The following MAP7D2 variants were observed in gnomAD, a reference collection of about 807,000 sequenced individuals.
MAP7D2 encodes MAP7 domain containing 2.
In MAP7D2, 33 loss-of-function variants were observed where a neutral mutation model predicts 63.5. The observed-to-expected ratio is 0.52, with a 90% confidence interval of 0.39 to 0.70. The LOEUF (loss-of-function observed/expected upper bound fraction) is 0.70. Ranked by LOEUF, MAP7D2 falls within the 30% of genes least tolerant of loss-of-function variation. The pLI is 0.00. For synonymous variants in MAP7D2, 224 were observed against 223.7 expected (o/e 1.00, Z -0.01); for missense variants, 626 against 604.0 (o/e 1.04, Z -0.38).
intron 15 of MAP7D2, 98 bp from the exon 16 acceptor site, chrX:20,011,150 C>A (rs1306252827): frequency 4.6e-5 from 41 of 882,830 alleles, no homozygotes; most frequent in Non-Finnish European, 2.0e-5. Flanking sequence ...TTTTACTACT[C>A]TTCTAAAGAA....
At position 20,056,692 on chromosome X, in the gene MAP7D2, C is replaced by T. The variant is rs148252388; in HGVS notation, c.472G>A (p.Gly158Arg). Residue 158 changes from glycine (G) to arginine (R), a missense_variant, in exon 4 of 17, where the codon GGA becomes AGA. Gly to Arg is a moderately radical substitution (Grantham distance 125). Coordinates refer to ENST00000379643, the MANE Select transcript of MAP7D2 (RefSeq NM_001168465.2). ...ACCCTACACTCACCATCATGTCCTC[C>T]GGGTCCAATGGCCAGTGGTGCTCCC... Reference protein sequence around the residue: ...SWGAPLAIGPGGHDACDKLST... With the variant: ...SWGAPLAIGPRGHDACDKLST... 42 of 1,207,657 alleles carry T rather than the reference C, an allele frequency of 3.5e-5. No homozygotes were observed. The East Asian group carries it at 8.9e-4, about 26-fold the overall frequency.
chrX:20,010,642 A>C, intron 16 of MAP7D2, 135 bp downstream of exon 16: 1 of 486,358 alleles, frequency 2.1e-6, no homozygotes, highest in Non-Finnish European at 3.4e-6. Flanking sequence ...TGTGTGTTGT[A>C]GTATACCATA....
intron 1 of MAP7D2, among the ~76,000 whole-genome samples, chrX:20,069,021 A>C (rs1156577647): frequency 8.9e-6 from 1 of 111,889 alleles, no homozygotes; most frequent in Non-Finnish European, 1.9e-5. Flanking sequence ...CTCTAAGTCC[A>C]ATTAAACCTC....
chrX:20,032,139 T>C (rs1278401050), intron 8 of MAP7D2, among the ~76,000 whole-genome samples: 2 of 111,935 alleles, frequency 1.8e-5, no homozygotes, highest in Admixed American at 1.9e-4. Flanking sequence ...TTTCGAAATT[T>C]AAAAGCTGAA....
At chrX:20,066,402 G>C (rs1229938588) in intron 1 of MAP7D2, among the ~76,000 whole-genome samples, 1 of 111,687 alleles carries the variant, frequency 9.0e-6, no homozygotes, top group African/African-American at 3.3e-5. Context: ...ATGAGGAAGG[G>C]GGATGGCGTG....
intron 13 of MAP7D2, 147 bp downstream of exon 13, chrX:20,013,422 C>A (rs1250898480): frequency 3.9e-6 from 2 of 518,218 alleles, no homozygotes; most frequent in Non-Finnish European, 6.2e-6. Flanking sequence ...AGGTACCTAA[C>A]CCTCCTTAAC....
At chrX:20,111,745 A>G (rs768914517) in intron 1 of MAP7D2, among the ~76,000 whole-genome samples, 46 of 111,916 alleles carry the variant, frequency 4.1e-4, no homozygotes, top group African/African-American at 7.8e-4. Context: ...ACTATATGGC[A>G]TATGAATTTT....
intron 1 of MAP7D2, among the ~76,000 whole-genome samples, chrX:20,074,515 A>AT (rs1389512343): frequency 3.6e-5 from 4 of 111,405 alleles, no homozygotes; most frequent in Non-Finnish European, 7.5e-5. Flanking sequence ...CCCGCCTCAT[A>AT]TTTTTCATTT....
chrX:20,109,841 G>A (rs1213180739), intron 1 of MAP7D2, among the ~76,000 whole-genome samples: 1 of 110,535 alleles, frequency 9.0e-6, no homozygotes, highest in African/African-American at 3.3e-5. Flanking sequence ...TTCGAGACCA[G>A]CCTGGCCAAC....
intron 1 of MAP7D2, among the ~76,000 whole-genome samples, chrX:20,083,275 C>A (rs554332627): frequency 8.9e-6 from 1 of 112,054 alleles, no homozygotes; most frequent in Non-Finnish European, 1.9e-5. Flanking sequence ...AACAACGAGG[C>A]CTTCAGGGGA....
chrX:20,039,776 G>A (rs965729280), intron 8 of MAP7D2, among the ~76,000 whole-genome samples: 1 of 110,564 alleles, frequency 9.0e-6, no homozygotes, highest in Non-Finnish European at 1.9e-5. Flanking sequence ...CAAGGTGGGC[G>A]GATCACAAGG....
chrX:20,077,390 T>C (rs959847512), intron 1 of MAP7D2, among the ~76,000 whole-genome samples: 1 of 110,971 alleles, frequency 9.0e-6, no homozygotes, highest in South Asian at 3.8e-4. Flanking sequence ...GAGGTGGAGG[T>C]TGCCGTGAGC....
intron 8 of MAP7D2, among the ~76,000 whole-genome samples, chrX:20,028,082 C>T (rs2148200961): frequency 8.9e-6 from 1 of 112,038 alleles, no homozygotes; most frequent in Admixed American, 9.4e-5. Flanking sequence ...TGTCTACACA[C>T]CAGCCACTAG....
rs761933530 is a variant in MAP7D2 at position 20,052,950 on chromosome X, T to C, written c.523A>G (p.Lys175Glu). The change falls in exon 5 of 17, where the codon AAG becomes GAG. Residue 175 changes from lysine to glutamate, a missense_variant. By Grantham distance (56) the Lys-to-Glu change is moderately conservative (BLOSUM62 1). Transcript: ENST00000379643. ...KLSTSTMSLP[K>E]PTEPPMNKRL... ...TTATTCATGGGAGGCTCCGTTGGCT[T>C]TGGCAAACTCATAGTTGATGTTGAA... 8 of 1,209,594 alleles carry C rather than the reference T, an allele frequency of 6.6e-6. No individual in the cohort carries two copies. The highest frequency in any genetic ancestry group is 8.9e-6 in the Non-Finnish European group (8 of 894,295).
rs141495886 is a variant in MAP7D2, at chrX:20,092,306, A to T, written c.130+24444T>A. Among the ~76,000 whole-genome samples, 8 of 111,475 alleles carry T rather than the reference A, an allele frequency of 7.2e-5. No homozygotes were observed. The East Asian group carries it at 2.3e-3, about 31-fold the overall frequency. ...ATCCCAAAATATGGCACTTTGACGTACTGAACTGAAGAAGCCTCAAGGTCT... is the reference window on the plus strand; with the variant it reads ...ATCCCAAAATATGGCACTTTGACGTTCTGAACTGAAGAAGCCTCAAGGTCT... On this transcript the variant is annotated intron_variant, in intron 1 of 16. Coordinates refer to ENST00000379643, the MANE Select transcript of MAP7D2 (RefSeq NM_001168465.2).
chrX:20,075,262 G>C (rs748453315), intron 1 of MAP7D2, among the ~76,000 whole-genome samples: 1 of 111,843 alleles, frequency 8.9e-6, no homozygotes, highest in African/African-American at 3.2e-5. Flanking sequence ...CCACCAGAAA[G>C]AGAACTCTGT....
chrX:20,046,817 T>C (rs1411975925), intron 6 of MAP7D2, among the ~76,000 whole-genome samples: 1 of 112,837 alleles, frequency 8.9e-6, no homozygotes, highest in Non-Finnish European at 1.9e-5. Flanking sequence ...GAGTAGGGGA[T>C]GATTAAGAAA....
rs763147049 is a variant in MAP7D2, at chrX:20,025,694, G to A, written c.1266C>T (p.Ala422=). The A allele has an allele frequency of 8.3e-6, 10 of 1,211,776 alleles. No individual in the cohort carries two copies. The highest frequency in any genetic ancestry group is 2.3e-4 in the Middle Eastern group (1 of 4,336). Residue 422 remains alanine, a synonymous_variant, in exon 9 of 17, where the codon GCC becomes GCT. Transcript: ENST00000379643. ...EKHAAAAGGK[A]ENSAALGKPT... ...GGCAGCATCTACCTGCGCTGTTTTC[G>A]GCTTTCCCTCCTGCGGCAGCAGCAT...
At position 20,042,593 on chromosome X, in the gene MAP7D2, A is replaced by G. The variant is rs751142192; in HGVS notation, c.916T>C (p.Ser306Pro). 2.6e-5 allele frequency: 32 copies of G among 1,211,384 alleles called. No homozygotes were observed. Among genetic ancestry groups the G allele is most frequent in the Non-Finnish European group, 3.5e-5 (31 of 895,234 alleles). The change falls in exon 8 of 17, where the codon TCT becomes CCT. Residue 306 changes from serine (S) to proline (P), a missense_variant. Ser to Pro is a moderately conservative substitution (Grantham distance 74). Coordinates refer to ENST00000379643, the MANE Select transcript of MAP7D2 (RefSeq NM_001168465.2). ...GACCCGAAGTTCACAACAGGAAGAG[A>G]AGTTGCTGTTCGTTGCCCCCGCTTC... is the stretch of plus-strand genomic sequence containing the variant. ...KVKRGQRTAT[S>P]LPVVNFGSPL...
Sources: allele counts gnomAD v4.1 joint callset (sites outside exome capture counted in the v4.1 genomes callset), GRCh38; gene constraint gnomAD v4.1.1; transcripts MANE v1.5; gene names NCBI Gene and HGNC (gene_info 2026-07-23, HGNC 2026-07-21).